HMCN1: variants seen among roughly 807,000 people sequenced by gnomAD.
HMCN1 encodes hemicentin 1.
A neutral mutation model predicts 625.9 loss-of-function variants in HMCN1; 321 were observed. The ratio of observed to expected loss-of-function variants is 0.51; its 90% CI spans 0.47 to 0.56. The LOEUF (loss-of-function observed/expected upper bound fraction) is 0.56. Among genes scored for constraint, HMCN1 ranks in the 20% least tolerant of loss-of-function variants. The pLI is 0.00. For missense variants in HMCN1, 6,588 were observed against 6,887.3 expected (o/e 0.96, Z 1.54); for synonymous variants, 2,425 against 2,417.6 (o/e 1.00, Z -0.09).
In HMCN1 at chr1:186,137,603, A is replaced by G; in HGVS notation, c.13688A>G (p.Asn4563Ser). 2 of 1,614,042 alleles carry G rather than the reference A, an allele frequency of 1.2e-6. No individual in the cohort carries two copies. The highest frequency in any genetic ancestry group is 2.2e-5 in the East Asian group (1 of 44,872). The part of the protein sequence containing the change: ...SRLCNQPLPA[N>S]GGKPCQGSDL... ...CTGTGCAACCAGCCCCTTCCAGCCA[A>G]TGGTGGGAAGCCCTGCCAAGGTTCA... Residue 4563 changes from asparagine to serine, a missense_variant, in exon 88 of 107, where the codon AAT becomes AGT. Physicochemically the swap from Asn to Ser is conservative, Grantham distance 46. Around this residue, in one of 3 missense-constraint regions of HMCN1, gnomAD observed 1,954 missense variants for 2,013.1 expected, o/e 0.97. Coordinates refer to ENST00000271588, the MANE Select transcript of HMCN1 (RefSeq NM_031935.3).
At chr1:186,130,781 C>A in intron 85 of HMCN1, 84 bp downstream of exon 85, 1 of 1,128,178 alleles carries the variant, frequency 8.9e-7, no homozygotes, top group African/African-American at 1.5e-5. Context: ...AGAAACATTT[C>A]TCTTACATTC....
chr1:185,951,510 G>T (rs1327172190), intron 11 of HMCN1, among the ~76,000 whole-genome samples: 7 of 150,100 alleles, frequency 4.7e-5, no homozygotes. Flanking sequence ...CCGAAGCTCA[G>T]TGTCCATGAT....
chr1:186,148,935 C>CT (rs57126500), intron 93 of HMCN1, among the ~76,000 whole-genome samples: 4,709 of 143,334 alleles, frequency 0.033, 81 homozygotes, highest in Middle Eastern at 0.075. Flanking sequence ...TGAAAGGAAT[C>CT]TTTTTTTTTT....
chr1:185,968,578 C>G (rs768111321), intron 14 of HMCN1, among the ~76,000 whole-genome samples: 3 of 151,524 alleles, frequency 2.0e-5, no homozygotes, highest in Non-Finnish European at 4.4e-5. Flanking sequence ...AGTTTTTAAA[C>G]AAACATTTTT....
intron 9 of HMCN1, 61 bp from the exon 10 acceptor site, chr1:185,928,485 A>T (rs1242290973): frequency 7.2e-7 from 1 of 1,385,250 alleles, no homozygotes; most frequent in Admixed American, 1.7e-5. Context: ...ATAGTTAATC[A>T]TTGCTTTCAA....
intron 1 of HMCN1, among the ~76,000 whole-genome samples, chr1:185,792,005 T>G (rs969390683): frequency 1.8e-4 from 27 of 152,184 alleles, no homozygotes; most frequent in Non-Finnish European, 5.9e-5. Flanking sequence ...GCCTACTATC[T>G]TCCAAGCAAT....
chr1:186,127,758 T>G (rs1027376456), intron 82 of HMCN1, among the ~76,000 whole-genome samples: 6 of 152,246 alleles, frequency 3.9e-5, no homozygotes, highest in African/African-American at 1.4e-4. Flanking sequence ...TGTCAGCTTT[T>G]GGGATTATTT....
intron 11 of HMCN1, among the ~76,000 whole-genome samples, chr1:185,939,188 G>A (rs1226020133): frequency 1.3e-5 from 2 of 152,200 alleles, no homozygotes; most frequent in African/African-American, 2.4e-5. Context: ...CATCAAAAAA[G>A]CTTTGGGAAG....
At chr1:185,933,015 T>C (rs1667631494) in intron 10 of HMCN1, among the ~76,000 whole-genome samples, 1 of 152,104 alleles carries the variant, frequency 6.6e-6, no homozygotes, top group African/African-American at 2.4e-5. Context: ...CTGTTCCTAC[T>C]GTTCACCTGA....
In HMCN1 at chr1:186,145,848, G is replaced by C. The variant is rs746258368; in HGVS notation, c.14533G>C (p.Val4845Leu). 1.6e-5 allele frequency: 26 copies of C among 1,614,046 alleles called. No individual in the cohort carries two copies. In the Admixed American group the frequency reaches 4.3e-4, roughly 27 times the overall value. The change falls in exon 93 of 107, where the codon GTG becomes CTG. Residue 4845 changes from valine (V) to leucine (L), a missense_variant. Val to Leu is a conservative substitution (Grantham distance 32). This residue lies in a region of HMCN1 where 1,954 missense variants were observed against 2,013.1 expected (regional missense o/e 0.97). Coordinates refer to ENST00000271588, the MANE Select transcript of HMCN1 (RefSeq NM_031935.3). ...TCGGAAGCGGCTGTGCGACCATCCT[G>C]TGCCAGTTAAAGGTGGCCGTCCCTG... ...KTRKRLCDHP[V>L]PVKGGRPCPG...
Position 186,081,336 on chromosome 1 carries a change from G to A in HMCN1, c.8729G>A (p.Gly2910Glu). Residue 2910 changes from glycine (G) to glutamate (E), a missense_variant, in exon 56 of 107, where the codon GGA (glycine) becomes GAA (glutamate). By Grantham distance (98) the Gly-to-Glu change is moderately conservative. This residue lies in a region of HMCN1 where 4,628 missense variants were observed against 4,853.1 expected (regional missense o/e 0.95). Transcript: ENST00000271588. ...CCAAGGAATTCCTGGCAGAAAGATGGACAGCCCTTGCTAGAAGATGACCAT... is the reference window on the plus strand; with the variant it reads ...CCAAGGAATTCCTGGCAGAAAGATGAACAGCCCTTGCTAGAAGATGACCAT... ...PAPRNSWQKDGQPLLEDDHHK... is the reference protein window; with the variant it reads ...PAPRNSWQKDEQPLLEDDHHK... 1 of 1,613,816 alleles carries A rather than the reference G, an allele frequency of 6.2e-7. No homozygotes were observed. Among genetic ancestry groups the A allele is most frequent in the Non-Finnish European group, 8.5e-7 (1 of 1,179,826 alleles).
At chr1:185,954,567 C>G (rs1441130263) in intron 11 of HMCN1, among the ~76,000 whole-genome samples, 1 of 152,056 alleles carries the variant, frequency 6.6e-6, no homozygotes, top group Non-Finnish European at 1.5e-5. Context: ...TGTTGATCCT[C>G]TAGATTCCTT....
At chr1:185,785,665 T>G (rs1332355827) in intron 1 of HMCN1, among the ~76,000 whole-genome samples, 1 of 152,186 alleles carries the variant, frequency 6.6e-6, no homozygotes, top group East Asian at 1.9e-4. Flanking sequence ...TGCCATCTTG[T>G]CCCAGAACTC....
At chr1:186,074,957 T>G in intron 53 of HMCN1, 66 bp downstream of exon 53, 1 of 1,342,822 alleles carries the variant, frequency 7.4e-7, no homozygotes, top group Non-Finnish European at 1.1e-6. Flanking sequence ...AGAAAAGAGA[T>G]TTGACTTATT....
chr1:186,100,252 A>G (rs1426604175), intron 68 of HMCN1, among the ~76,000 whole-genome samples: 4 of 152,190 alleles, frequency 2.6e-5, no homozygotes, highest in African/African-American at 9.6e-5. Context: ...AAACTGGCTT[A>G]GAAGAAAGAT....
At chr1:186,027,001 A>G (rs1337231434) in intron 36 of HMCN1, among the ~76,000 whole-genome samples, 1 of 152,102 alleles carries the variant, frequency 6.6e-6, no homozygotes. Context: ...CATTTACTAC[A>G]GTTGTCATCC....
intron 11 of HMCN1, among the ~76,000 whole-genome samples, chr1:185,946,086 G>C (rs1668327046): frequency 6.6e-6 from 1 of 152,208 alleles, no homozygotes; most frequent in Non-Finnish European, 1.5e-5. Flanking sequence ...AAGTGTGGGA[G>C]TCAGGGAATG....
chr1:186,135,561 T>G (rs1432482834), intron 86 of HMCN1, among the ~76,000 whole-genome samples: 1 of 152,196 alleles, frequency 6.6e-6, no homozygotes, highest in African/African-American at 2.4e-5. Context: ...TACCTCAAGT[T>G]CAGCAGTTCT....
At chr1:186,064,259 T>C (rs1294162198) in intron 48 of HMCN1, among the ~76,000 whole-genome samples, 1 of 152,128 alleles carries the variant, frequency 6.6e-6, no homozygotes, top group Non-Finnish European at 1.5e-5. Flanking sequence ...TTTTAAAATT[T>C]TTTTTAAGTA....
Sources: allele counts gnomAD v4.1 joint callset (sites outside exome capture counted in the v4.1 genomes callset), GRCh38; gene constraint gnomAD v4.1.1; regional missense constraint gnomAD v4.1.1; transcripts MANE v1.5; gene names NCBI Gene and HGNC (gene_info 2026-07-23, HGNC 2026-07-21).